The following NME7 variants were observed in gnomAD, a reference collection of about 807,000 sequenced individuals.
NME7 encodes nucleoside diphosphate kinase 7.
Under a neutral mutation model 49.1 loss-of-function variants are expected in NME7, and 41 were observed. The observed-to-expected ratio is 0.83, with a 90% CI of 0.65 to 1.08. NME7 has a LOEUF of 1.08. NME7 is among the 50% of genes least tolerant of loss of function. The pLI is 0.00. For missense variants in NME7, 423 were observed against 463.4 expected, an observed-to-expected ratio of 0.91 and a Z score of 0.80; for synonymous variants, 139 against 150.6, an observed-to-expected ratio of 0.92 and a Z score of 0.56.
intron 10 of NME7, among the ~76,000 whole-genome samples, chr1:169,214,939 G>C (rs902465780): frequency 1.3e-5 from 2 of 152,262 alleles, no homozygotes; most frequent in African/African-American, 2.4e-5. Flanking sequence ...CCTTATGTGG[G>C]GCAGCTGCCC....
At chr1:169,316,138 A>G (rs1184788358) in intron 3 of NME7, among the ~76,000 whole-genome samples, 17 of 152,048 alleles carry the variant, frequency 1.1e-4, no homozygotes, top group Non-Finnish European at 2.9e-5. Flanking sequence ...AAATTGGTGA[A>G]CAAATGTTTA....
intron 7 of NME7, among the ~76,000 whole-genome samples, chr1:169,281,964 TTA>T (rs1650034602): frequency 6.6e-6 from 1 of 152,162 alleles, no homozygotes; most frequent in Non-Finnish European, 1.5e-5. Flanking sequence ...TGGCCTCATT[TTA>T]TGAGTTAGGA....
chr1:169,332,830 G>A (rs1315510899), intron 1 of NME7, among the ~76,000 whole-genome samples: 1 of 152,152 alleles, frequency 6.6e-6, no homozygotes, highest in African/African-American at 2.4e-5. Flanking sequence ...AAAAATGCTG[G>A]TGAGGATGTG....
intron 1 of NME7, among the ~76,000 whole-genome samples, chr1:169,328,385 C>A (rs144869365): frequency 6.6e-6 from 1 of 152,142 alleles, no homozygotes; most frequent in Non-Finnish European, 1.5e-5. Context: ...TCTCCCAAAG[C>A]GATGATGGTG....
intron 10 of NME7, among the ~76,000 whole-genome samples, chr1:169,171,533 C>T (rs1411047572): frequency 4.6e-5 from 7 of 152,068 alleles, no homozygotes; most frequent in South Asian, 2.1e-4. Context: ...GAGGCCGAGG[C>T]GGGTGGATCA....
intron 7 of NME7, 40 bp downstream of exon 7, chr1:169,287,263 C>T (rs4589164): frequency 0.3 from 411,569 of 1,375,190 alleles, 69,897 homozygotes; most frequent in Non-Finnish European, 0.35. Flanking sequence ...CATTGCTCTC[C>T]TATTAACAAA....
chr1:169,278,036 G>C (rs1298278704), intron 7 of NME7, among the ~76,000 whole-genome samples: 3 of 151,722 alleles, frequency 2.0e-5, no homozygotes, highest in East Asian at 2.0e-4. Flanking sequence ...CTGACTTGTA[G>C]AGTTTCTGCC....
At chr1:169,195,666 C>A (rs1359049242) in intron 10 of NME7, among the ~76,000 whole-genome samples, 1 of 152,124 alleles carries the variant, frequency 6.6e-6, no homozygotes, top group African/African-American at 2.4e-5. Context: ...ATATAGCAGT[C>A]ATAACAAATA....
chr1:169,363,399 A>G (rs1191757352), intron 1 of NME7, among the ~76,000 whole-genome samples: 2 of 152,194 alleles, frequency 1.3e-5, no homozygotes, highest in Admixed American at 6.5e-5. Flanking sequence ...CAATTAAACA[A>G]AAGTTCATGA....
chr1:169,260,942 T>C (rs16862051), intron 7 of NME7, among the ~76,000 whole-genome samples: 11,852 of 133,088 alleles, frequency 0.089, 3,187 homozygotes, highest in East Asian at 0.75. Flanking sequence ...AATGTTGTTC[T>C]TCCTAGAAGT....
At chr1:169,144,416 GT>G (rs539565942) in intron 11 of NME7, among the ~76,000 whole-genome samples, 170 of 151,838 alleles carry the variant, frequency 1.1e-3, no homozygotes, top group African/African-American at 3.8e-3. Context: ...TCTATGTTTT[GT>G]TTTTTTTAAC....
At chr1:169,164,128 T>A (rs1380214381) in intron 11 of NME7, among the ~76,000 whole-genome samples, 1 of 147,696 alleles carries the variant, frequency 6.8e-6, no homozygotes, top group East Asian at 2.0e-4. Context: ...AAAAAAAAAA[T>A]TAGAATCTCT....
intron 11 of NME7, among the ~76,000 whole-genome samples, chr1:169,145,365 T>C (rs1056417526): frequency 1.4e-4 from 21 of 152,174 alleles, no homozygotes; most frequent in African/African-American, 5.1e-4. Context: ...CACAGTGTGA[T>C]TGGGTAGAAT....
At chr1:169,139,253 T>C (rs907512886) in intron 11 of NME7, among the ~76,000 whole-genome samples, 11 of 152,348 alleles carry the variant, frequency 7.2e-5, no homozygotes, top group Admixed American at 5.9e-4. Flanking sequence ...AAAAATGAAG[T>C]TCTTGCTACA....
intron 10 of NME7, among the ~76,000 whole-genome samples, chr1:169,191,058 C>T (rs1482777971): frequency 1.6e-5 from 1 of 62,000 alleles, no homozygotes; most frequent in Non-Finnish European, 4.0e-5. Context: ...GTGATCCACC[C>T]GCCTCGGCCT....
At chr1:169,297,091 A>C (rs1365397454) in intron 6 of NME7, among the ~76,000 whole-genome samples, 2 of 151,822 alleles carry the variant, frequency 1.3e-5, no homozygotes, top group Non-Finnish European at 2.9e-5. Flanking sequence ...CTCCCACCTT[A>C]GCCTCTGGAG....
intron 7 of NME7, among the ~76,000 whole-genome samples, chr1:169,270,617 A>G (rs1241130320): frequency 7.5e-6 from 1 of 134,032 alleles, no homozygotes; most frequent in African/African-American, 2.5e-5. Flanking sequence ...AAAGATAATG[A>G]TATTAGTGGC....
chr1:169,367,333 G>A (rs1653911027), intron 1 of NME7, among the ~76,000 whole-genome samples: 1 of 152,166 alleles, frequency 6.6e-6, no homozygotes, highest in African/African-American at 2.4e-5. Flanking sequence ...TCAGATCAGT[G>A]TTGAGACAGT....
Position 169,169,479 on chromosome 1 carries a change from A to C in NME7, c.1066T>G (p.Cys356Gly). 5.6e-6 allele frequency: 9 copies of C among 1,614,074 alleles called. No individual in the cohort carries two copies. The highest frequency in any genetic ancestry group is 7.6e-6 in the Non-Finnish European group (9 of 1,179,946). Residue 356 changes from cysteine (C) to glycine (G), a missense_variant, in exon 11 of 12, where the codon TGT becomes GGT. Cys to Gly is a radical substitution (Grantham distance 159). Transcript: ENST00000367811. The part of the protein sequence containing the change: ...GKTKIQNAVH[C>G]TDLPEDGLLE... ...AGGCCATCCTCTGGCAGATCAGTAC[A>C]GTGAACAGCATTCTGGATCTTAGTT...
Sources: allele counts gnomAD v4.1 joint callset (sites outside exome capture counted in the v4.1 genomes callset), GRCh38; gene constraint gnomAD v4.1.1; transcripts MANE v1.5; gene names NCBI Gene and HGNC (gene_info 2026-07-23, HGNC 2026-07-21).